PRSS3: variants seen among roughly 807,000 people sequenced by gnomAD.
The protein encoded by PRSS3 is trypsin-3.
A neutral mutation model predicts 20.8 loss-of-function variants in PRSS3; 14 were observed. The ratio of observed to expected loss-of-function variants is 0.67; its 90% CI spans 0.44 to 1.05. The LOEUF is 1.05. Ranked by LOEUF, PRSS3 falls within the 50% of genes least tolerant of loss-of-function variation. The pLI is 0.00. For missense variants in PRSS3, 237 were observed against 306.4 expected, an observed-to-expected ratio of 0.77 and a Z score of 1.69; for synonymous variants, 91 against 117.6, an observed-to-expected ratio of 0.77 and a Z score of 1.46.
At chr9:33,774,814 T>C (rs1302434920) in intron 1 of PRSS3, among the ~76,000 whole-genome samples, 2 of 151,712 alleles carry the variant, frequency 1.3e-5, no homozygotes, top group Non-Finnish European at 2.9e-5. Flanking sequence ...GGTGAAACCC[T>C]GCCTCTACTA....
rs1249792270 is a variant in PRSS3 at position 33,799,167 on chromosome 9, C to T, written c.731C>T (p.Ala244Val). Residue 244 changes from alanine to valine, a missense_variant, in exon 5 of 5, where the codon GCT becomes GTT. Physicochemically the swap from Ala to Val is moderately conservative, Grantham distance 64. Transcript: ENST00000379405. ...GTGGACTGGATTAAGGACACCATCGCTGCCAACAGCTAAAGCCCCCGGTCC... is the reference window on the plus strand; with the variant it reads ...GTGGACTGGATTAAGGACACCATCGTTGCCAACAGCTAAAGCCCCCGGTCC... ...NYVDWIKDTI[A>V]ANS 12 of 1,614,040 alleles carry T rather than the reference C, an allele frequency of 7.4e-6. No individual in the cohort carries two copies. Among genetic ancestry groups the T allele is most frequent in the African/African-American group, 4.0e-5 (3 of 74,926 alleles).
At chr9:33,775,449 TGCAGCCCCACTTGGGGCAAGCA>T (rs777263412) in intron 1 of PRSS3, among the ~76,000 whole-genome samples, 269 of 152,336 alleles carry the variant, frequency 1.8e-3, no homozygotes, top group Non-Finnish European at 2.8e-3. Context: ...AGCTTGAGGT[TGCAGCCCCACTTGGGGCAAGCA>T]GCAGGCCAAC....
chr9:33,767,051 A>G (rs1823465419), intron 1 of PRSS3, among the ~76,000 whole-genome samples: 1 of 152,092 alleles, frequency 6.6e-6, no homozygotes, highest in Non-Finnish European at 1.5e-5. Flanking sequence ...AAAAACTGTC[A>G]CAGAAATAAA....
chr9:33,779,764 G>A (rs1563962792), intron 1 of PRSS3, among the ~76,000 whole-genome samples: 1 of 151,000 alleles, frequency 6.6e-6, no homozygotes, highest in Non-Finnish European at 1.5e-5. Flanking sequence ...AGCTACTCGG[G>A]AGGCTGAGGC....
In PRSS3 at chr9:33,796,758, C is replaced by T. The variant is rs1275205297; in HGVS notation, c.156C>T (p.Leu52=). 1.2e-6 allele frequency: 2 copies of T among 1,614,024 alleles called. No homozygotes were observed. Among genetic ancestry groups the T allele is most frequent in the Non-Finnish European group, 1.7e-6 (2 of 1,179,864 alleles). ...GCTCCCACTTCTGCGGTGGCTCCCT[C>T]ATCAGCGAACAGTGGGTGGTATCAG... ...NSGSHFCGGS[L]ISEQWVVSAA... is the part of the protein sequence containing the mutation. The change falls in exon 2 of 5, where the codon CTC becomes CTT. Residue 52 remains leucine, a synonymous_variant. Transcript: ENST00000379405.
At chr9:33,775,392 T>C (rs1247205605) in intron 1 of PRSS3, among the ~76,000 whole-genome samples, 1 of 152,166 alleles carries the variant, frequency 6.6e-6, no homozygotes, top group African/African-American at 2.4e-5. Flanking sequence ...TGGCTTAACA[T>C]GGGAATGAAC....
upstream of PRSS3, chr9:33,795,481 C>A: frequency 6.6e-7 from 1 of 1,518,032 alleles, no homozygotes; most frequent in Non-Finnish European, 9.0e-7. Flanking sequence ...CTGGGAAGAA[C>A]TGTGACCCTC....
intron 1 of PRSS3, chr9:33,786,787 G>T: frequency 1.3e-6 from 1 of 765,240 alleles, no homozygotes; most frequent in Admixed American, 1.7e-5. Flanking sequence ...TGAGCAACAG[G>T]AGACCTGAAG....
At chr9:33,758,676 G>A (rs10971686) in intron 1 of PRSS3, among the ~76,000 whole-genome samples, 23,857 of 152,126 alleles carry the variant, frequency 0.16, 2,549 homozygotes, top group East Asian at 0.48. Flanking sequence ...GAGAGGATTC[G>A]CACATATGCT....
Position 33,750,768 on chromosome 9 carries a change from G to A in PRSS3, c.-53+41G>A. 2.8e-6 allele frequency: 4 copies of A among 1,416,238 alleles called. No individual in the cohort carries two copies. The highest frequency in any genetic ancestry group is 3.7e-6 in the Non-Finnish European group (4 of 1,089,830). The allele number at this position is 1,416,238 out of a possible 1,614,324, so 87.7% of individuals were successfully genotyped here. ...CCGCAGGGGGCTTGAAACTGGAGGA[G>A]GGCTCGAAGGGAGAGGGAGCCCCGC... On this transcript the variant is annotated intron_variant, in intron 1 of 5. Transcript: ENST00000342836. This position sits in a 1 kb window ranked among gnomAD's most constrained non-coding sequence, Gnocchi z 4.8.
At chr9:33,783,905 A>G (rs934337650) in intron 1 of PRSS3, among the ~76,000 whole-genome samples, 8 of 152,000 alleles carry the variant, frequency 5.3e-5, no homozygotes, top group East Asian at 1.9e-4. Context: ...AAAAAAAAAA[A>G]AAGAAGGAGG....
chr9:33,765,104 T>C (rs1285774871), intron 1 of PRSS3, among the ~76,000 whole-genome samples: 1 of 152,210 alleles, frequency 6.6e-6, no homozygotes, highest in Non-Finnish European at 1.5e-5. Context: ...ATGTTAAACA[T>C]AGAGTTACCA....
chr9:33,789,468 T>G (rs1198980652), intron 1 of PRSS3, among the ~76,000 whole-genome samples: 2 of 152,206 alleles, frequency 1.3e-5, no homozygotes, highest in Non-Finnish European at 2.9e-5. Flanking sequence ...ATAAATAATA[T>G]TCTTTGTTAA....
chr9:33,797,132 C>T (rs1038532382), intron 2 of PRSS3, among the ~76,000 whole-genome samples: 1 of 151,824 alleles, frequency 6.6e-6, no homozygotes, highest in Non-Finnish European at 1.5e-5. Flanking sequence ...GGGCAATTAA[C>T]TCAAACTTCT....
At chr9:33,786,117 G>A (rs1824399891) in intron 1 of PRSS3, 3 of 334,416 alleles carry the variant, frequency 9.0e-6, no homozygotes, top group African/African-American at 6.5e-5. Flanking sequence ...CCACCTATTA[G>A]AGGAGAGAAA....
chr9:33,777,531 C>CAAAAAAAAA (rs74180503), intron 1 of PRSS3, among the ~76,000 whole-genome samples: 5 of 101,870 alleles, frequency 4.9e-5, no homozygotes, highest in African/African-American at 8.0e-5. Context: ...CTAAAAATAC[C>CAAAAAAAAA]AAAAAAAAAA....
chr9:33,764,857 A>G (rs576446778), intron 1 of PRSS3, among the ~76,000 whole-genome samples: 65 of 152,176 alleles, frequency 4.3e-4, no homozygotes, highest in African/African-American at 1.5e-3. Flanking sequence ...AAAATGGGCA[A>G]TGTATTTGAG....
At chr9:33,778,270 AT>A (rs1204757922) in intron 1 of PRSS3, among the ~76,000 whole-genome samples, 2 of 152,176 alleles carry the variant, frequency 1.3e-5, no homozygotes, top group Non-Finnish European at 2.9e-5. Context: ...ACGTCTTCCC[AT>A]TTTTATTTCT....
rs563549441 is a variant in PRSS3 at position 33,796,585 on chromosome 9, G to A, written c.41-58G>A. 41 of 1,605,082 alleles carry A rather than the reference G, an allele frequency of 2.6e-5. No homozygotes were observed. The East Asian group carries it at 7.4e-4, about 29-fold the overall frequency. On this transcript the variant is annotated intron_variant, in intron 1 of 4. Transcript: ENST00000379405. Reference sequence around the variant, plus strand: ...ATTGGCAGGAAGCAACCGCAGGCTGGGAGCACCACCCCTAACATGCTACTG... The same window carrying A: ...ATTGGCAGGAAGCAACCGCAGGCTGAGAGCACCACCCCTAACATGCTACTG...
Sources: allele counts gnomAD v4.1 joint callset (sites outside exome capture counted in the v4.1 genomes callset), GRCh38; gene constraint gnomAD v4.1.1; non-coding constraint Gnocchi (gnomAD v3.1); transcripts MANE v1.5; gene names NCBI Gene and HGNC (gene_info 2026-07-23, HGNC 2026-07-21).